MGAT4C: variants seen among roughly 807,000 people sequenced by gnomAD.
MGAT4C encodes the protein MGAT4 family member C.
MGAT4C carries 19 observed loss-of-function variants against 40.1 expected under a neutral mutation model. The observed-to-expected ratio is 0.47, with a 90% CI of 0.33 to 0.70. MGAT4C has a LOEUF of 0.70. Among genes scored for constraint, MGAT4C ranks in the 30% least tolerant of loss-of-function variants. The pLI, the probability that MGAT4C is intolerant of heterozygous loss-of-function variation, is 0.02. For missense variants in MGAT4C, 491 were observed against 563.2 expected, an observed-to-expected ratio of 0.87 and a Z score of 1.30; for synonymous variants, 181 against 187.1, an observed-to-expected ratio of 0.97 and a Z score of 0.27.
chr12:86,809,284 T>C (rs895269220), intron 1 of MGAT4C, among the ~76,000 whole-genome samples: 4 of 152,124 alleles, frequency 2.6e-5, no homozygotes, highest in Admixed American at 6.6e-5. Flanking sequence ...GCTATGTATA[T>C]ACACAGTTAG....
chr12:86,816,490 C>A (rs1952609160), intron 1 of MGAT4C, among the ~76,000 whole-genome samples: 1 of 151,460 alleles, frequency 6.6e-6, no homozygotes, highest in African/African-American at 2.4e-5. Flanking sequence ...ATGTCATTAA[C>A]CTTCAATCTT....
At chr12:86,382,328 A>G (rs1955951029) in intron 3 of MGAT4C, among the ~76,000 whole-genome samples, 1 of 152,212 alleles carries the variant, frequency 6.6e-6, no homozygotes, top group Admixed American at 6.5e-5. Context: ...GGAATGTTGA[A>G]CTAGAGAAAG....
intron 4 of MGAT4C, among the ~76,000 whole-genome samples, chr12:86,319,768 T>G (rs1163558776): frequency 1.3e-5 from 2 of 152,190 alleles, no homozygotes; most frequent in African/African-American, 4.8e-5. Flanking sequence ...AATATTATAT[T>G]AGCATCTTGC....
intron 1 of MGAT4C, among the ~76,000 whole-genome samples, chr12:86,775,261 T>C (rs1254158856): frequency 2.6e-5 from 4 of 152,006 alleles, no homozygotes; most frequent in Non-Finnish European, 4.4e-5. Context: ...CTGAACATAG[T>C]ATAAAACTCT....
At chr12:86,834,020 T>C (rs1952984986) in intron 1 of MGAT4C, among the ~76,000 whole-genome samples, 1 of 151,884 alleles carries the variant, frequency 6.6e-6, no homozygotes, top group Non-Finnish European at 1.5e-5. Context: ...TCTTTTTTAA[T>C]GCTGAATAGT....
intron 1 of MGAT4C, among the ~76,000 whole-genome samples, chr12:86,193,102 T>G (rs1324377372): frequency 6.6e-6 from 1 of 152,074 alleles, no homozygotes; most frequent in African/African-American, 2.4e-5. Flanking sequence ...TATGGAGTGC[T>G]TAATATATTC....
At chr12:86,490,458 A>G (rs1958110609) in intron 2 of MGAT4C, among the ~76,000 whole-genome samples, 1 of 152,162 alleles carries the variant, frequency 6.6e-6, no homozygotes, top group Non-Finnish European at 1.5e-5. Context: ...GGTACCAGCC[A>G]CTGCAAAATC....
intron 3 of MGAT4C, among the ~76,000 whole-genome samples, chr12:85,984,825 C>T (rs1885033473): frequency 1.3e-5 from 2 of 152,000 alleles, no homozygotes; most frequent in South Asian, 4.1e-4. Context: ...GTTGCCCAGG[C>T]TGGAGTGCAG....
chr12:86,718,514 A>G (rs568604905), intron 2 of MGAT4C, among the ~76,000 whole-genome samples: 1 of 152,214 alleles, frequency 6.6e-6, no homozygotes, highest in African/African-American at 2.4e-5. Flanking sequence ...CTAGTGCTGA[A>G]ACAGTAGAGG....
rs73387513 is a variant in MGAT4C, at chr12:86,222,655, G to T, written c.-57+33584C>A. ...CTTTAGAAATGATCAAATTCAAAAT[G>T]AACGTTTAAGATTTTGAAACTCTAT... On this transcript the variant is annotated intron_variant, in intron 1 of 4. Transcript: ENST00000611864. Among the ~76,000 whole-genome samples, 751 of 152,238 alleles carry T rather than the reference G, an allele frequency of 4.9e-3. 3 individuals are homozygous for T. The highest frequency in any genetic ancestry group is 0.018 in the African/African-American group (729 of 41,540).
At chr12:86,463,773 T>G (rs1957636996) in intron 2 of MGAT4C, among the ~76,000 whole-genome samples, 1 of 152,226 alleles carries the variant, frequency 6.6e-6, no homozygotes, top group Non-Finnish European at 1.5e-5. Flanking sequence ...TAATATAATC[T>G]TCCTCTTATA....
chr12:86,101,034 A>G lies in MGAT4C; in HGVS notation c.-56-51311T>C, dbSNP rs186583214. 7.1e-4 allele frequency among the ~76,000 whole-genome samples: 108 copies of G among 151,742 alleles called. 1 individual carries two copies. Among genetic ancestry groups the G allele is most frequent in the South Asian group, 4.8e-3 (23 of 4,822 alleles). ...AGTGTATTTTTCCTATTTTTTTTCT[A>G]TTCACTTCTCAACTGTAATGTAAAA... On this transcript the variant is annotated intron_variant, in intron 1 of 4. Coordinates refer to ENST00000611864, the MANE Select transcript of MGAT4C (RefSeq NM_001351288.2).
chr12:86,801,540 G>C lies in MGAT4C; in HGVS notation c.-262+37126C>G, dbSNP rs112005220. On this transcript the variant is annotated intron_variant, in intron 1 of 7. Coordinates refer to the MGAT4C transcript ENST00000548651. ...AGGCAGGTAGGGATTTTTTCTGTTG[G>C]TTACAAGGCAGATGATAGTATTATG... 9.7e-4 allele frequency among the ~76,000 whole-genome samples: 147 copies of C among 151,852 alleles called. 1 individual carries two copies. The highest frequency in any genetic ancestry group is 3.5e-3 in the African/African-American group (144 of 41,500).
chr12:86,664,218 C>T (rs921204394), intron 2 of MGAT4C, among the ~76,000 whole-genome samples: 6 of 151,190 alleles, frequency 4.0e-5, no homozygotes, highest in Non-Finnish European at 8.8e-5. Flanking sequence ...ATTTCCCTTT[C>T]TCATTTTTTC....
At chr12:86,623,717 A>T (rs1962712287) in intron 2 of MGAT4C, among the ~76,000 whole-genome samples, 1 of 152,218 alleles carries the variant, frequency 6.6e-6, no homozygotes, top group African/African-American at 2.4e-5. Flanking sequence ...CAAAATTGTT[A>T]AAAGCCAGCT....
At chr12:86,536,013 C>T (rs1365622180) in intron 2 of MGAT4C, among the ~76,000 whole-genome samples, 2 of 151,960 alleles carry the variant, frequency 1.3e-5, no homozygotes, top group East Asian at 3.8e-4. Flanking sequence ...TTGTATACAA[C>T]TATAATGAAA....
intron 4 of MGAT4C, among the ~76,000 whole-genome samples, chr12:86,283,192 TA>T (rs35691835): frequency 0.092 from 13,262 of 143,646 alleles, 770 homozygotes; most frequent in Middle Eastern, 0.23. Flanking sequence ...TCCACCACAA[TA>T]AAAAAAAAAA....
At chr12:86,347,083 A>G (rs1213328512) in intron 3 of MGAT4C, among the ~76,000 whole-genome samples, 1 of 152,060 alleles carries the variant, frequency 6.6e-6, no homozygotes, top group African/African-American at 2.4e-5. Flanking sequence ...TGGGACTTGG[A>G]CTGATCCACC....
chr12:86,360,825 C>T lies in MGAT4C; in HGVS notation c.-119-26698G>A, dbSNP rs185751786. ...AGGAGAACAACAAACCATTGCTCAACGAAATAAAAGAGGATACAAACAAAT... is the reference window on the plus strand; with the variant it reads ...AGGAGAACAACAAACCATTGCTCAATGAAATAAAAGAGGATACAAACAAAT... On this transcript the variant is annotated intron_variant, in intron 3 of 7. Coordinates refer to the MGAT4C transcript ENST00000548651. 9.2e-5 allele frequency among the ~76,000 whole-genome samples: 14 copies of T among 151,912 alleles called. No homozygotes were observed. The South Asian group carries it at 1.0e-3, about 11-fold the overall frequency.
Sources: allele counts gnomAD v4.1 joint callset (sites outside exome capture counted in the v4.1 genomes callset), GRCh38; gene constraint gnomAD v4.1.1; transcripts MANE v1.5; gene names NCBI Gene and HGNC (gene_info 2026-07-23, HGNC 2026-07-21).